The following DENR variants were observed in gnomAD, a reference collection of about 807,000 sequenced individuals.
DENR encodes the protein density-regulated protein.
In DENR, 6 loss-of-function variants were observed where a neutral mutation model predicts 30.6. The ratio of observed to expected loss-of-function variants is 0.20; its 90% confidence interval spans 0.11 to 0.39. The LOEUF is 0.39. DENR is among the 10% of genes least tolerant of loss of function. The probability of loss-of-function intolerance (pLI) is 1.00; values close to 1 mark genes in which losing one functional copy is unlikely to be tolerated. For synonymous variants in DENR, 78 were observed against 72.1 expected, an observed-to-expected ratio of 1.08 and a Z score of -0.41; for missense variants, 141 against 230.9, an observed-to-expected ratio of 0.61 and a Z score of 2.52.
chr12:122,766,754 C>T (rs1310429700), intron 5 of DENR, among the ~76,000 whole-genome samples: 2 of 152,182 alleles, frequency 1.3e-5, no homozygotes, highest in Non-Finnish European at 2.9e-5. Flanking sequence ...TCTCCTCCCT[C>T]CTCTCCTGCC....
intron 1 of DENR, among the ~76,000 whole-genome samples, 169 bp from the exon 2 acceptor site, chr12:122,753,521 ATGT>A (rs1566057875): frequency 1.3e-5 from 2 of 151,856 alleles, no homozygotes; most frequent in South Asian, 2.1e-4. Flanking sequence ...GAGCAAGGAG[ATGT>A]TGTGCCTGGG....
intron 2 of DENR, among the ~76,000 whole-genome samples, chr12:122,759,191 T>C (rs1387612783): frequency 1.3e-5 from 2 of 152,172 alleles, no homozygotes; most frequent in Admixed American, 1.3e-4. Context: ...CAAGAAAGTT[T>C]CGTGGATGAT....
At position 122,769,259 on chromosome 12, in the gene DENR, CAT is replaced by C. The variant is rs1215112091; in HGVS notation, c.*183_*184del. The C allele has an allele frequency of 4.7e-4, 305 of 647,858 alleles. No homozygotes were observed. The African/African-American group carries it at 9.0e-3, about 19-fold the overall frequency. The allele number at this position is 647,858 out of a possible 1,614,324, so 40.1% of individuals were successfully genotyped here. A position where few individuals can be genotyped will look rare whatever the true frequency, so the allele number is the denominator to read the frequency against. On this transcript the variant is annotated 3_prime_UTR_variant, in exon 8 of 8. Coordinates refer to ENST00000280557, the MANE Select transcript of DENR (RefSeq NM_003677.5). ...GTATGTATACATGTATATATATATA[CAT>C]ACACATATATGTATACATATATACA...
intron 2 of DENR, among the ~76,000 whole-genome samples, chr12:122,757,748 T>A (rs1878587094): frequency 6.6e-6 from 1 of 152,214 alleles, no homozygotes; most frequent in Non-Finnish European, 1.5e-5. Context: ...TACGATAAGA[T>A]GTTTGAAAAG....
chr12:122,758,759 A>G (rs1317453922), intron 2 of DENR, among the ~76,000 whole-genome samples: 1 of 152,120 alleles, frequency 6.6e-6, no homozygotes, highest in Non-Finnish European at 1.5e-5. Context: ...AGTTAAGATC[A>G]CATCACTGCA....
At position 122,763,012 on chromosome 12, in the gene DENR, C is replaced by T; in HGVS notation, c.211+83C>T. The T allele has an allele frequency of 6.5e-6, 5 of 768,234 alleles. No homozygotes were observed. In the Admixed American group the frequency reaches 1.4e-4, roughly 22 times the overall value. The allele number at this position is 768,234 out of a possible 1,614,324, so 47.6% of individuals were successfully genotyped here. On this transcript the variant is annotated intron_variant, in intron 4 of 7. Transcript: ENST00000280557. Reference sequence around the variant, plus strand: ...GCATTATTCTAAAGATAGGAAAGTCCTCCTTTAGTAGGATATTACAGAATT... The same window carrying T: ...GCATTATTCTAAAGATAGGAAAGTCTTCCTTTAGTAGGATATTACAGAATT...
chr12:122,753,577 C>A (rs1047843787), intron 1 of DENR, 116 bp from the exon 2 acceptor site: 11 of 738,964 alleles, frequency 1.5e-5, no homozygotes, highest in Non-Finnish European at 2.3e-5. Flanking sequence ...GTATCCCCCA[C>A]TCAACAACAG....
rs1469178251 is a variant in DENR, at chr12:122,769,263, C to CACATATATGTATACATATAT, written c.*189_*208dup. ...GTATACATGTATATATATATACATACACATATATGTATACATATATACACA... is the reference window on the plus strand; with the variant it reads ...GTATACATGTATATATATATACATACACATATATGTATACATATATACATATATGTATACATATATACACA... On this transcript the variant is annotated 3_prime_UTR_variant, in exon 8 of 8. Transcript: ENST00000280557. 4.8e-3 allele frequency: 3,594 copies of CACATATATGTATACATATAT among 742,668 alleles called. 82 individuals carry two copies. Among genetic ancestry groups the CACATATATGTATACATATAT allele is most frequent in the Non-Finnish European group, 4.9e-3 (2,909 of 590,920 alleles). 46.0% of individuals were successfully genotyped at this position (742,668 alleles called of 1,614,324 possible). A position where few individuals can be genotyped will look rare whatever the true frequency, so the allele number is the denominator to read the frequency against.
At position 122,762,202 on chromosome 12, in the gene DENR, C is replaced by A; in HGVS notation, c.122C>A (p.Thr41Lys). 7.0e-7 allele frequency: 1 copy of A among 1,432,036 alleles called. No individual in the cohort carries two copies. The highest frequency in any genetic ancestry group is 9.5e-7 in the Non-Finnish European group (1 of 1,053,728). 88.7% of individuals were successfully genotyped at this position (1,432,036 alleles called of 1,614,324 possible). ...VLYCGVCSLP[T>K]EYCEYMPDVA... ...ACTTCCTCAGTCTGTTCATTACCAACAGAGGTAAGTTCTTTAATTTTTTTT... is the reference window on the plus strand; with the variant it reads ...ACTTCCTCAGTCTGTTCATTACCAAAAGAGGTAAGTTCTTTAATTTTTTTT... The change falls in exon 3 of 8, where the codon ACA becomes AAA. Residue 41 changes from threonine (T) to lysine (K), a missense_variant. By Grantham distance (78) the Thr-to-Lys change is moderately conservative (BLOSUM62 -1). Around this residue, in one of 2 missense-constraint regions of DENR, gnomAD observed 104 missense variants for 138.3 expected, o/e 0.75. Coordinates refer to ENST00000280557, the MANE Select transcript of DENR (RefSeq NM_003677.5).
Position 122,769,243 on chromosome 12 carries a change from CATGTAT to C in DENR, c.*168_*173del. 1.7e-6 allele frequency: 1 copy of C among 585,526 alleles called. No homozygotes were observed. The highest frequency in any genetic ancestry group is 2.0e-6 in the Non-Finnish European group (1 of 491,438). The allele number at this position is 585,526 out of a possible 1,614,324, so 36.3% of individuals were successfully genotyped here. A position where few individuals can be genotyped will look rare whatever the true frequency, so the allele number is the denominator to read the frequency against. On this transcript the variant is annotated 3_prime_UTR_variant, in exon 8 of 8. Coordinates refer to ENST00000280557, the MANE Select transcript of DENR (RefSeq NM_003677.5). ...GTATATATACATGTGTGTATGTATACATGTATATATATATACATACACATATATGTA... is the reference window on the plus strand; with the variant it reads ...GTATATATACATGTGTGTATGTATACATATATATACATACACATATATGTA...
intron 2 of DENR, among the ~76,000 whole-genome samples, chr12:122,755,460 T>C (rs550682996): frequency 1.3e-5 from 2 of 152,204 alleles, no homozygotes; most frequent in East Asian, 3.9e-4. Flanking sequence ...GCACCTGTAA[T>C]CCCAGCTACT....
Position 122,769,510 on chromosome 12 carries a change from C to G in DENR, c.*432C>G. Reference sequence around the variant, plus strand: ...GTACTGACTTTCTCTCTCTCTCTCTCTCTCTTTTTTTTTTTTGACAGAGTC... The same window carrying G: ...GTACTGACTTTCTCTCTCTCTCTCTGTCTCTTTTTTTTTTTTGACAGAGTC... On this transcript the variant is annotated 3_prime_UTR_variant, in exon 8 of 8. Transcript: ENST00000280557. 1.0e-6 allele frequency: 1 copy of G among 976,610 alleles called. No individual in the cohort carries two copies. Among genetic ancestry groups the G allele is most frequent in the Non-Finnish European group, 1.2e-6 (1 of 823,568 alleles). 60.5% of individuals were successfully genotyped at this position (976,610 alleles called of 1,614,324 possible). A position where few individuals can be genotyped will look rare whatever the true frequency, so the allele number is the denominator to read the frequency against.
chr12:122,769,283 T>TACATATATGTATACATATATAC lies in DENR; in HGVS notation c.*208_*209insTATATGTATACATATATACACA, dbSNP rs1555252657. On this transcript the variant is annotated 3_prime_UTR_variant, in exon 8 of 8. Transcript: ENST00000280557. The stretch of plus-strand genomic sequence containing the variant: ...ACATACACATATATGTATACATATA[T>TACATATATGTATACATATATAC]ACACATATATGTATACATATATACA... 15 of 821,668 alleles carry TACATATATGTATACATATATAC rather than the reference T, an allele frequency of 1.8e-5. No individual in the cohort carries two copies. The highest frequency in any genetic ancestry group is 1.9e-5 in the Non-Finnish European group (13 of 681,916). The allele number at this position is 821,668 out of a possible 1,614,324, so 50.9% of individuals were successfully genotyped here.
chr12:122,762,734 G>A (rs1878735704), intron 3 of DENR, 111 bp from the exon 4 acceptor site: 1 of 709,970 alleles, frequency 1.4e-6, no homozygotes, highest in African/African-American at 1.8e-5. Context: ...TCAGATGGGA[G>A]TGGTTTGTTT....
intron 2 of DENR, among the ~76,000 whole-genome samples, chr12:122,760,621 C>T (rs1276602785): frequency 6.6e-6 from 1 of 152,164 alleles, no homozygotes; most frequent in Non-Finnish European, 1.5e-5. Context: ...GTCCCAGCTA[C>T]TCTGGAGACT....
At position 122,769,527 on chromosome 12, in the gene DENR, G is replaced by C; in HGVS notation, c.*449G>C. ...CTCTCTCTCTCTCTTTTTTTTTTTT[G>C]ACAGAGTCTCGCACTGTTGCCTGGG... is the stretch of plus-strand genomic sequence containing the variant. On this transcript the variant is annotated 3_prime_UTR_variant, in exon 8 of 8. Transcript: ENST00000280557. 1 of 866,584 alleles carries C rather than the reference G, an allele frequency of 1.2e-6. No homozygotes were observed. Among genetic ancestry groups the C allele is most frequent in the Non-Finnish European group, 1.4e-6 (1 of 736,698 alleles). 53.7% of individuals were successfully genotyped at this position (866,584 alleles called of 1,614,324 possible).
rs1593766637 is a variant in DENR, at chr12:122,770,489, T to C, written c.*1411T>C. 9 of 397,134 alleles carry C rather than the reference T, an allele frequency of 2.3e-5. No individual in the cohort carries two copies. The highest frequency in any genetic ancestry group is 1.8e-4 in the Admixed American group (4 of 22,722). 24.6% of individuals were successfully genotyped at this position (397,134 alleles called of 1,614,324 possible). A position where few individuals can be genotyped will look rare whatever the true frequency, so the allele number is the denominator to read the frequency against. On this transcript the variant is annotated 3_prime_UTR_variant, in exon 8 of 8. Coordinates refer to ENST00000280557, the MANE Select transcript of DENR (RefSeq NM_003677.5). Reference sequence around the variant, plus strand: ...AGGTTCTTATTCTGGCTATAAATTATGTGAGTAAAATTGTGCTAACCAGTT... The same window carrying C: ...AGGTTCTTATTCTGGCTATAAATTACGTGAGTAAAATTGTGCTAACCAGTT...
chr12:122,762,152 A>T, intron 2 of DENR, 35 bp from the exon 3 acceptor site: 1 of 1,372,816 alleles, frequency 7.3e-7, no homozygotes, highest in Non-Finnish European at 9.9e-7. Context: ...ATATAGGTTT[A>T]ACATTTCAAA....
chr12:122,758,154 C>T (rs1878600018), intron 2 of DENR, among the ~76,000 whole-genome samples: 1 of 152,188 alleles, frequency 6.6e-6, no homozygotes, highest in South Asian at 2.1e-4. Context: ...TCACTGCAAC[C>T]TCCGCCTCCA....
Sources: allele counts gnomAD v4.1 joint callset (sites outside exome capture counted in the v4.1 genomes callset), GRCh38; gene constraint gnomAD v4.1.1; regional missense constraint gnomAD v4.1.1; transcripts MANE v1.5; gene names NCBI Gene and HGNC (gene_info 2026-07-23, HGNC 2026-07-21).